The following AGBL4 variants were observed in gnomAD, a reference collection of about 807,000 sequenced individuals.
AGBL4 encodes AGBL carboxypeptidase 4.
In AGBL4, 58 loss-of-function variants were observed where a neutral mutation model predicts 66.4. The observed-to-expected ratio is 0.87, with a 90% confidence interval of 0.71 to 1.09. The LOEUF (loss-of-function observed/expected upper bound fraction) is 1.09, where lower values mean the gene tolerates loss of function less well. Among genes scored for constraint, AGBL4 ranks in the 50% least tolerant of loss-of-function variants. The probability of loss-of-function intolerance (pLI) is 0.00; values close to 1 mark genes in which losing one functional copy is unlikely to be tolerated. For missense variants in AGBL4, 579 were observed against 631.0 expected (o/e 0.92, Z 0.88); for synonymous variants, 234 against 222.9 (o/e 1.05, Z -0.44).
At chr1:48,806,085 G>A (rs1320682422) in intron 6 of AGBL4, among the ~76,000 whole-genome samples, 2 of 152,038 alleles carry the variant, frequency 1.3e-5, no homozygotes, top group African/African-American at 4.8e-5. Flanking sequence ...GAATATATTT[G>A]CAATATTCGG....
chr1:48,623,638 C>A (rs1040296711), intron 9 of AGBL4, among the ~76,000 whole-genome samples: 1 of 152,236 alleles, frequency 6.6e-6, no homozygotes, highest in Non-Finnish European at 1.5e-5. Flanking sequence ...GCTTGAGAGC[C>A]TCTCAATGGC....
At chr1:49,056,836 A>G (rs1402850038) in intron 4 of AGBL4, among the ~76,000 whole-genome samples, 1 of 152,198 alleles carries the variant, frequency 6.6e-6, no homozygotes, top group Non-Finnish European at 1.5e-5. Flanking sequence ...GATGGATTGG[A>G]TAAGAAAATG....
chr1:49,597,893 T>A (rs1644880772), intron 3 of AGBL4, among the ~76,000 whole-genome samples: 1 of 152,206 alleles, frequency 6.6e-6, no homozygotes, highest in Non-Finnish European at 1.5e-5. Context: ...CTGAAGTTGC[T>A]TATCATCCTA....
chr1:48,647,715 C>T (rs897264074), intron 8 of AGBL4: 15 of 385,116 alleles, frequency 3.9e-5, no homozygotes, highest in South Asian at 2.3e-4. Context: ...CAGAAAGCGC[C>T]GTGGGGTATA....
At chr1:49,532,593 A>G (rs1651226011) in intron 3 of AGBL4, among the ~76,000 whole-genome samples, 1 of 152,130 alleles carries the variant, frequency 6.6e-6, no homozygotes, top group Non-Finnish European at 1.5e-5. Context: ...CAAGACAGAA[A>G]AATGTTACTG....
At chr1:49,724,882 C>T (rs544187289) in intron 2 of AGBL4, among the ~76,000 whole-genome samples, 1 of 152,204 alleles carries the variant, frequency 6.6e-6, no homozygotes, top group Admixed American at 6.5e-5. Flanking sequence ...ATCTTGGACT[C>T]TGCAGCCTCC....
At chr1:49,287,040 G>A (rs1290018700) in intron 3 of AGBL4, among the ~76,000 whole-genome samples, 3 of 150,848 alleles carry the variant, frequency 2.0e-5, no homozygotes, top group Admixed American at 6.6e-5. Flanking sequence ...ACAGAACAGA[G>A]CCCTCAGAAA....
At chr1:49,672,219 T>C (rs1646491019) in intron 3 of AGBL4, among the ~76,000 whole-genome samples, 1 of 151,680 alleles carries the variant, frequency 6.6e-6, no homozygotes, top group African/African-American at 2.4e-5. Context: ...TCATCCTTAG[T>C]AAACTAACAC....
At position 49,249,199 on chromosome 1, in the gene AGBL4, C is replaced by T. The variant is rs1040972425; in HGVS notation, c.283-3335G>A. Among the ~76,000 whole-genome samples, 3 of 152,112 alleles carry T rather than the reference C, an allele frequency of 2.0e-5. No individual in the cohort carries two copies. In the South Asian group the frequency reaches 6.2e-4, roughly 32 times the overall value. On this transcript the variant is annotated intron_variant, in intron 3 of 13. Coordinates refer to ENST00000371839, the MANE Select transcript of AGBL4 (RefSeq NM_032785.4). ...TACATTTCCCATTTAATATTGTTCA[C>T]GTTAGTTGCAGGGACTATTCTAATG...
At position 49,786,022 on chromosome 1, in the gene AGBL4, A is replaced by G. The variant is rs557962853; in HGVS notation, c.157+65374T>C. Among the ~76,000 whole-genome samples the G allele has an allele frequency of 7.2e-5, 11 of 152,062 alleles. No individual in the cohort carries two copies. The South Asian group carries it at 2.1e-3, about 29-fold the overall frequency. ...ACATTGTCAAATATGAAAGCAGAAC[A>G]TTACCTAAACCGTTATCCATCCCAT... On this transcript the variant is annotated intron_variant, in intron 2 of 13. Transcript: ENST00000371839.
At chr1:49,682,174 G>A (rs763581475) in intron 3 of AGBL4, among the ~76,000 whole-genome samples, 43 of 152,256 alleles carry the variant, frequency 2.8e-4, no homozygotes, top group Non-Finnish European at 4.3e-4. Context: ...TTGGGAGGCC[G>A]AGGAGGGAGG....
intron 3 of AGBL4, among the ~76,000 whole-genome samples, chr1:49,487,025 G>A (rs556023609): frequency 1.3e-5 from 2 of 152,066 alleles, no homozygotes; most frequent in East Asian, 3.9e-4. Flanking sequence ...TGTGATCAAA[G>A]ATGTTCCACT....
Position 49,045,768 on chromosome 1 carries a change from T to G in AGBL4, c.410A>C (p.Tyr137Ser), listed in dbSNP as rs1400090223. Reference sequence around the variant, plus strand: ...GTTCTTCCTATGGTCCGGGCAGCGGTAGTAGTAAACATTTTTGGGTGGCAG... The same window carrying G: ...GTTCTTCCTATGGTCCGGGCAGCGGGAGTAGTAAACATTTTTGGGTGGCAG... Reference protein sequence around the residue: ...QRLPPKNVYYYRCPDHRKNYV... With the variant: ...QRLPPKNVYYSRCPDHRKNYV... The change falls in exon 5 of 14, where the codon TAC becomes TCC. Residue 137 changes from tyrosine to serine, a missense_variant. By Grantham distance (144) the Tyr-to-Ser change is moderately radical. Coordinates refer to ENST00000371839, the MANE Select transcript of AGBL4 (RefSeq NM_032785.4). 2.6e-6 allele frequency: 4 copies of G among 1,551,396 alleles called. No homozygotes were observed. The highest frequency in any genetic ancestry group is 3.5e-6 in the Non-Finnish European group (4 of 1,146,770).
rs1647007208 is a variant in AGBL4, at chr1:49,697,387, T to C, written c.208A>G (p.Ile70Val). ...QVSEFEYDLF[I>V]RPDTCNPRFR... is the part of the protein sequence containing the mutation. ...CGTGGATTACAGGTGTCCGGCCTAA[T>C]GAACAGATCATACTCAAACTCAGAG... The change falls in exon 3 of 14, where the codon ATT becomes GTT. Residue 70 changes from isoleucine (I) to valine (V), a missense_variant. Ile to Val is a conservative substitution (Grantham distance 29). Transcript: ENST00000371839. The C allele has an allele frequency of 3.2e-6, 5 of 1,546,784 alleles. No individual in the cohort carries two copies. Among genetic ancestry groups the C allele is most frequent in the African/African-American group, 1.4e-5 (1 of 72,958 alleles).
chr1:49,556,660 C>T (rs1643905821), intron 3 of AGBL4, among the ~76,000 whole-genome samples: 1 of 152,050 alleles, frequency 6.6e-6, no homozygotes, highest in Non-Finnish European at 1.5e-5. Flanking sequence ...GTGGATCCCG[C>T]GCAGGGGCCG....
intron 2 of AGBL4, among the ~76,000 whole-genome samples, chr1:49,727,249 T>G (rs1206801533): frequency 6.6e-6 from 1 of 152,130 alleles, no homozygotes; most frequent in Non-Finnish European, 1.5e-5. Context: ...AAATGTCAAG[T>G]TTGACCTTAA....
At chr1:48,846,365 GAAAGAAAGAAAGA>G (rs1249968636) in intron 6 of AGBL4, among the ~76,000 whole-genome samples, 3 of 61,628 alleles carry the variant, frequency 4.9e-5, no homozygotes, top group African/African-American at 3.0e-4. Context: ...AAAGAAAGAA[GAAAGAAAGAAAGA>G]AAGAAAGAAA....
chr1:49,956,110 C>G (rs1369288724), intron 1 of AGBL4, among the ~76,000 whole-genome samples: 1 of 151,762 alleles, frequency 6.6e-6, no homozygotes, highest in Non-Finnish European at 1.5e-5. Context: ...CACTGTCACT[C>G]ATCAGAAATA....
intron 2 of AGBL4, among the ~76,000 whole-genome samples, chr1:49,764,569 G>A (rs115479172): frequency 2.0e-5 from 3 of 152,172 alleles, no homozygotes; most frequent in Admixed American, 6.5e-5. Context: ...CCATCAGGAC[G>A]TCTAGGGGCC....
Sources: gnomAD v4.1 joint callset for allele counts (sites outside exome capture counted in the v4.1 genomes callset) on GRCh38, gnomAD v4.1.1 for gene constraint, MANE v1.5 for transcripts, NCBI Gene and HGNC (gene_info 2026-07-23, HGNC 2026-07-21) for gene names.